The following WFS1 variants were observed in gnomAD, a reference collection of about 807,000 sequenced individuals.
WFS1 encodes wolframin.
A neutral mutation model predicts 68.5 loss-of-function variants in WFS1; 90 were observed. The ratio of observed to expected loss-of-function variants is 1.31; its 90% CI spans 1.11 to 1.56. The LOEUF is 1.56. WFS1 is among the 40% of genes most tolerant of loss of function. The probability of loss-of-function intolerance (pLI) is 0.00; values close to 1 mark genes in which losing one functional copy is unlikely to be tolerated. For missense variants in WFS1, 1,767 were observed against 1,232.6 expected, an observed-to-expected ratio of 1.43 and a Z score of -6.49; for synonymous variants, 860 against 540.7, an observed-to-expected ratio of 1.59 and a Z score of -8.19.
chr4:6,276,306 G>T (rs1217916404), intron 1 of WFS1, among the ~76,000 whole-genome samples: 6 of 152,342 alleles, frequency 3.9e-5, no homozygotes, highest in Non-Finnish European at 8.8e-5. Context: ...GTGGCCGGTG[G>T]TTGTCCTTCA....
intron 7 of WFS1, among the ~76,000 whole-genome samples, chr4:6,298,295 A>C (rs988384245): frequency 6.6e-6 from 1 of 152,182 alleles, no homozygotes; most frequent in Non-Finnish European, 1.5e-5. Context: ...TGCCCCAAAC[A>C]AACCCTGGAG....
At position 6,295,192 on chromosome 4, in the gene WFS1, G is replaced by C; in HGVS notation, c.861+3G>C. The C allele has an allele frequency of 6.2e-7, 1 of 1,611,404 alleles. No individual in the cohort carries two copies. The highest frequency in any genetic ancestry group is 8.5e-7 in the Non-Finnish European group (1 of 1,180,030). On this transcript the variant is annotated splice_donor_region_variant and intron_variant, in intron 7 of 7. Coordinates refer to ENST00000226760, the MANE Select transcript of WFS1 (RefSeq NM_006005.3). ...AGGACCTGCCACTGCGTCTGAAGGT[G>C]AGTGACCAAGACCCCGGTCAGGCCG...
rs1348455952 is a variant in WFS1 at position 6,302,859 on chromosome 4, CA to C, written c.*394del. On this transcript the variant is annotated 3_prime_UTR_variant, in exon 8 of 8. Coordinates refer to ENST00000226760, the MANE Select transcript of WFS1 (RefSeq NM_006005.3). Reference sequence around the variant, plus strand: ...TTTTGTGTTGGATTTGTTTAAAAACCAAATAAGCATCTGTGTAACCTCCACA... The same window carrying C: ...TTTTGTGTTGGATTTGTTTAAAAACCAATAAGCATCTGTGTAACCTCCACA... 6.6e-6 allele frequency: 2 copies of C among 303,518 alleles called. No homozygotes were observed. Among genetic ancestry groups the C allele is most frequent in the Non-Finnish European group, 1.2e-5 (2 of 161,166 alleles). The allele number at this position is 303,518 out of a possible 1,614,324, so 18.8% of individuals were successfully genotyped here.
In WFS1 at chr4:6,274,613, C is replaced by T. The variant is rs528558405; in HGVS notation, c.-5-2838C>T. ...TGAGTAGGTGAGGAAGACAGGGACT[C>T]GGGACAGACATAGCTTGGAAGCTCC... On this transcript the variant is annotated intron_variant, in intron 1 of 7. Coordinates refer to ENST00000226760, the MANE Select transcript of WFS1 (RefSeq NM_006005.3). Among the ~76,000 whole-genome samples, 14 of 152,092 alleles carry T rather than the reference C, an allele frequency of 9.2e-5. 1 individual carries two copies. Among genetic ancestry groups the T allele is most frequent in the African/African-American group, 3.1e-4 (13 of 41,500 alleles).
At chr4:6,288,767 G>C in intron 3 of WFS1, 1 of 649,854 alleles carries the variant, frequency 1.5e-6, no homozygotes, top group Non-Finnish European at 2.7e-6. Flanking sequence ...TCGCCGTGTG[G>C]ATGGGGTGGC....
chr4:6,298,143 C>T (rs934196269), intron 7 of WFS1, among the ~76,000 whole-genome samples: 23 of 152,228 alleles, frequency 1.5e-4, no homozygotes, highest in Middle Eastern at 3.2e-3. Context: ...TGAGCAGTGG[C>T]GGGCCAGGCC....
chr4:6,298,521 C>G (rs1326257105), intron 7 of WFS1, among the ~76,000 whole-genome samples: 27 of 149,894 alleles, frequency 1.8e-4, no homozygotes, highest in Admixed American at 1.8e-3. Context: ...TGGACTGTCA[C>G]AAATATACAT....
intron 4 of WFS1, among the ~76,000 whole-genome samples, chr4:6,290,975 G>A (rs542813741): frequency 1.4e-4 from 22 of 152,346 alleles, no homozygotes; most frequent in African/African-American, 4.8e-4. Context: ...GGGGGCACTT[G>A]GGGGCGTCTG....
intron 3 of WFS1, chr4:6,288,595 C>T (rs1428507631): frequency 2.5e-5 from 8 of 322,336 alleles, no homozygotes; most frequent in Non-Finnish European, 4.2e-5. Flanking sequence ...GGTTAGCTGG[C>T]GTCTCTCCAG....
At chr4:6,281,332 G>A (rs1475974177) in intron 2 of WFS1, among the ~76,000 whole-genome samples, 1 of 152,218 alleles carries the variant, frequency 6.6e-6, no homozygotes, top group African/African-American at 2.4e-5. Context: ...GGGCACCCAA[G>A]ACCCATGAGG....
At chr4:6,279,094 C>T (rs867089946) in intron 2 of WFS1, among the ~76,000 whole-genome samples, 8 of 152,182 alleles carry the variant, frequency 5.3e-5, no homozygotes, top group African/African-American at 1.7e-4. Flanking sequence ...GTGGGCATCC[C>T]GTCTCCCAGT....
At chr4:6,292,912 G>A (rs990510272) in intron 6 of WFS1, among the ~76,000 whole-genome samples, 8 of 152,210 alleles carry the variant, frequency 5.3e-5, no homozygotes, top group Non-Finnish European at 7.3e-5. Flanking sequence ...CACTGGGCCC[G>A]TGAGGAAACC....
Position 6,302,447 on chromosome 4 carries a change from C to T in WFS1, c.2652C>T (p.Phe884=). The change falls in exon 8 of 8, where the codon TTC becomes TTT. Residue 884 remains phenylalanine (F), a synonymous_variant. Coordinates refer to ENST00000226760, the MANE Select transcript of WFS1 (RefSeq NM_006005.3). ...AGTTCGCCTTCGACTTCTTTTTCTTCCCATTCCTGTCGGCGGCCTGAGGAT... is the reference window on the plus strand; with the variant it reads ...AGTTCGCCTTCGACTTCTTTTTCTTTCCATTCCTGTCGGCGGCCTGAGGAT... ...AVKFAFDFFF[F]PFLSAA 3 of 1,613,094 alleles carry T rather than the reference C, an allele frequency of 1.9e-6. No homozygotes were observed. Among genetic ancestry groups the T allele is most frequent in the Non-Finnish European group, 2.5e-6 (3 of 1,180,038 alleles).
chr4:6,281,715 C>G (rs1730173539), intron 2 of WFS1, among the ~76,000 whole-genome samples: 1 of 152,064 alleles, frequency 6.6e-6, no homozygotes, highest in Non-Finnish European at 1.5e-5. Flanking sequence ...TGAGCCCCTG[C>G]TGCCCTGGGG....
rs1339427296 is a variant in WFS1 at position 6,283,281 on chromosome 4, C to G, written c.233-3812C>G. Among the ~76,000 whole-genome samples, 1 of 152,184 alleles carries G rather than the reference C, an allele frequency of 6.6e-6. No individual in the cohort carries two copies. Among genetic ancestry groups the G allele is most frequent in the Non-Finnish European group, 1.5e-5 (1 of 68,032 alleles). On this transcript the variant is annotated intron_variant, in intron 2 of 7. Transcript: ENST00000226760. The surrounding 1 kb of genome is among the most constrained non-coding windows in gnomAD (Gnocchi z 5.0). ...GGAGACCTGCCCATGGTATCCAGCT[C>G]TGATCACACTGCTATTTTGTGATTG...
At position 6,277,583 on chromosome 4, in the gene WFS1, C is replaced by A; in HGVS notation, c.128C>A (p.Ala43Glu). Reference sequence around the variant, plus strand: ...CAGGAGAGGAGCGAAAGGCCCCGAGCACCCGGACCCCAGGCTGGCCCTGGC... The same window carrying A: ...CAGGAGAGGAGCGAAAGGCCCCGAGAACCCGGACCCCAGGCTGGCCCTGGC... ...LEQERSERPR[A>E]PGPQAGPGPG... is the part of the protein sequence containing the mutation. The change falls in exon 2 of 8, where the codon GCA becomes GAA. Residue 43 changes from alanine to glutamate, a missense_variant. Coordinates refer to ENST00000226760, the MANE Select transcript of WFS1 (RefSeq NM_006005.3). 1 of 1,582,528 alleles carries A rather than the reference C, an allele frequency of 6.3e-7. No individual in the cohort carries two copies. Among genetic ancestry groups the A allele is most frequent in the Non-Finnish European group, 8.6e-7 (1 of 1,164,698 alleles).
chr4:6,301,579 C>G lies in WFS1; in HGVS notation c.1784C>G (p.Thr595Ser), dbSNP rs148544389. The G allele has an allele frequency of 1.2e-6, 2 of 1,614,204 alleles. No individual in the cohort carries two copies. The highest frequency in any genetic ancestry group is 4.5e-5 in the East Asian group (2 of 44,876). The stretch of plus-strand genomic sequence containing the variant: ...CGGTGGTTCACGTCTCTGGAGCTCA[C>G]CAAGATCGCAGTCACCGTGGCGGTC... The part of the protein sequence containing the change: ...FARWFTSLEL[T>S]KIAVTVAVCS... Residue 595 changes from threonine to serine, a missense_variant, in exon 8 of 8, where the codon ACC becomes AGC. Physicochemically the swap from Thr to Ser is moderately conservative, Grantham distance 58. Transcript: ENST00000226760.
chr4:6,289,638 G>A (rs1730408446), intron 4 of WFS1, among the ~76,000 whole-genome samples: 1 of 152,158 alleles, frequency 6.6e-6, no homozygotes, highest in Admixed American at 6.5e-5. Flanking sequence ...AGAGAGGCAG[G>A]GGAGGAAAGG....
chr4:6,303,003 T>G lies in WFS1; in HGVS notation c.*535T>G. On this transcript the variant is annotated 3_prime_UTR_variant, in exon 8 of 8. Transcript: ENST00000226760. ...GTCAAGGCCCGGCCCCATCAGAGGC[T>G]GGGGGAGGCGGCACATTGGCAGTGT... 1 of 167,152 alleles carries G rather than the reference T, an allele frequency of 6.0e-6. No homozygotes were observed. Among genetic ancestry groups the G allele is most frequent in the Non-Finnish European group, 1.3e-5 (1 of 75,836 alleles). 10.4% of individuals were successfully genotyped at this position (167,152 alleles called of 1,614,324 possible). A position where few individuals can be genotyped will look rare whatever the true frequency, so the allele number is the denominator to read the frequency against.
Sources: allele counts gnomAD v4.1 joint callset (sites outside exome capture counted in the v4.1 genomes callset), GRCh38; gene constraint gnomAD v4.1.1; non-coding constraint Gnocchi (gnomAD v3.1); transcripts MANE v1.5; gene names NCBI Gene and HGNC (gene_info 2026-07-23, HGNC 2026-07-21).